TGS1: variants seen among roughly 807,000 people sequenced by gnomAD.
TGS1 encodes trimethylguanosine synthase 1.
In TGS1, 69 loss-of-function variants were observed where a neutral mutation model predicts 92.2. The ratio of observed to expected loss-of-function variants is 0.75; its 90% CI spans 0.62 to 0.91. The LOEUF (loss-of-function observed/expected upper bound fraction) is 0.91, where lower values mean the gene tolerates loss of function less well. Among genes scored for constraint, TGS1 ranks in the 40% least tolerant of loss-of-function variants. TGS1 has a pLI of 0.00. For missense variants in TGS1, 1,062 were observed against 1,001.2 expected (o/e 1.06, Z -0.82); for synonymous variants, 345 against 338.1 (o/e 1.02, Z -0.22).
chr8:55,814,646 C>A (rs1803423946), intron 12 of TGS1, among the ~76,000 whole-genome samples: 1 of 141,400 alleles, frequency 7.1e-6, no homozygotes, highest in African/African-American at 2.7e-5. Context: ...CATGGCAAAA[C>A]CCCGTCTCTA....
chr8:55,805,955 A>T lies in TGS1; in HGVS notation c.2143+919A>T, dbSNP rs552943065. Among the ~76,000 whole-genome samples, 278 of 144,894 alleles carry T rather than the reference A, an allele frequency of 1.9e-3. 1 individual carries two copies. Among genetic ancestry groups the T allele is most frequent in the African/African-American group, 6.4e-3 (264 of 41,180 alleles). On this transcript the variant is annotated intron_variant, in intron 10 of 12. Coordinates refer to ENST00000260129, the MANE Select transcript of TGS1 (RefSeq NM_024831.8). ...TGTGTGCCTATAGTCCCAGCTACTC[A>T]GGCTGAGATGAGAGGATGACCTGAG...
At chr8:55,799,554 G>A (rs1812162438) in intron 8 of TGS1, among the ~76,000 whole-genome samples, 1 of 152,056 alleles carries the variant, frequency 6.6e-6, no homozygotes, top group Non-Finnish European at 1.5e-5. Context: ...TGCCTTCTTC[G>A]TATGTGGTGT....
intron 11 of TGS1, among the ~76,000 whole-genome samples, chr8:55,811,512 A>C (rs1803340439): frequency 6.6e-6 from 1 of 151,806 alleles, no homozygotes; most frequent in Non-Finnish European, 1.5e-5. Flanking sequence ...CTGTAATCCC[A>C]GCACTTTGGG....
rs887656895 is a variant in TGS1 at position 55,782,680 on chromosome 8, G to C, written c.102-68G>C. On this transcript the variant is annotated intron_variant, in intron 1 of 12. Transcript: ENST00000260129. Reference sequence around the variant, plus strand: ...TTTATTAATTAATCTATGATGGCTCGAGATTTCTTTCCCTCTAAACTGATG... The same window carrying C: ...TTTATTAATTAATCTATGATGGCTCCAGATTTCTTTCCCTCTAAACTGATG... 3.3e-6 allele frequency: 4 copies of C among 1,206,532 alleles called. No individual in the cohort carries two copies. The East Asian group carries it at 7.4e-5, about 22-fold the overall frequency. The allele number at this position is 1,206,532 out of a possible 1,614,324, so 74.7% of individuals were successfully genotyped here.
chr8:55,801,057 A>G (rs7001920), intron 8 of TGS1, among the ~76,000 whole-genome samples: 1,715 of 152,304 alleles, frequency 0.011, 24 homozygotes, highest in African/African-American at 0.04. Context: ...CCCTTGTTTC[A>G]GTTTCTCAGA....
Position 55,782,758 on chromosome 8 carries a change from T to C in TGS1, c.112T>C (p.Leu38=), listed in dbSNP as rs757601823. 5 of 1,610,492 alleles carry C rather than the reference T, an allele frequency of 3.1e-6. No individual in the cohort carries two copies. In the South Asian group the frequency reaches 4.4e-5, roughly 14 times the overall value. The change falls in exon 2 of 13, where the codon TTG becomes CTG. Residue 38 remains leucine, a synonymous_variant. Transcript: ENST00000260129. ...TAATCTGCTTCGCAGGGATCGAAAA[T>C]TGTACAATTTGGGATTAAAAGGCTA... is the stretch of plus-strand genomic sequence containing the variant. ...CSRAFVEDRK[L]YNLGLKGYYI...
intron 12 of TGS1, among the ~76,000 whole-genome samples, chr8:55,821,439 C>A (rs901093796): frequency 6.6e-6 from 1 of 152,044 alleles, no homozygotes; most frequent in African/African-American, 2.4e-5. Flanking sequence ...CTGAGAAAAC[C>A]CCCATCTTAC....
intron 12 of TGS1, among the ~76,000 whole-genome samples, 187 bp downstream of exon 12, chr8:55,813,305 G>T (rs2130235761): frequency 6.6e-6 from 1 of 152,290 alleles, no homozygotes; most frequent in Admixed American, 6.5e-5. Context: ...CATTTCCATA[G>T]CTCCTGGCAT....
intron 12 of TGS1, among the ~76,000 whole-genome samples, chr8:55,821,392 A>G (rs1002469727): frequency 1.3e-5 from 2 of 152,206 alleles, no homozygotes; most frequent in Admixed American, 1.3e-4. Context: ...AAAGTAATTT[A>G]TGAACTGTTT....
In TGS1 at chr8:55,773,567, C is replaced by A; in HGVS notation, c.-52C>A. 1 of 1,465,528 alleles carries A rather than the reference C, an allele frequency of 6.8e-7. No homozygotes were observed. Among genetic ancestry groups the A allele is most frequent in the Non-Finnish European group, 9.4e-7 (1 of 1,063,252 alleles). 90.8% of individuals were successfully genotyped at this position (1,465,528 alleles called of 1,614,324 possible). On this transcript the variant is annotated 5_prime_UTR_variant, in exon 1 of 13. Coordinates refer to ENST00000260129, the MANE Select transcript of TGS1 (RefSeq NM_024831.8). ...AGTCTCCAGTAACCGAGCGGAGGCC[C>A]GGCAGGCGCGACCCGGGCTGCGTAC...
chr8:55,777,035 T>A (rs1811420777), intron 1 of TGS1, among the ~76,000 whole-genome samples: 1 of 151,814 alleles, frequency 6.6e-6, no homozygotes, highest in African/African-American at 2.4e-5. Context: ...TGAGACTGGG[T>A]CTCACTTTGT....
At chr8:55,775,750 AAAAACTTG>A (rs1334642884) in intron 1 of TGS1, among the ~76,000 whole-genome samples, 13 of 152,010 alleles carry the variant, frequency 8.6e-5, no homozygotes, top group African/African-American at 2.9e-4. Flanking sequence ...GGCTAGTTTT[AAAAACTTG>A]AGCCATTTAG....
In TGS1 at chr8:55,792,757, T is replaced by C. The variant is rs1360281768; in HGVS notation, c.1340T>C (p.Leu447Pro). The change falls in exon 6 of 13, where the codon CTA (leucine) becomes CCA (proline). Residue 447 changes from leucine (L) to proline (P), a missense_variant. Physicochemically the swap from Leu to Pro is moderately conservative, Grantham distance 98. Coordinates refer to ENST00000260129, the MANE Select transcript of TGS1 (RefSeq NM_024831.8). Reference sequence around the variant, plus strand: ...GACTTTGATGACAGTGGTTCCCTTCTAGGATTCAAGTATGGCTCAGGACAA... The same window carrying C: ...GACTTTGATGACAGTGGTTCCCTTCCAGGATTCAAGTATGGCTCAGGACAA... ...ASDFDDSGSLLGFKYGSGQKY... is the reference protein window; with the variant it reads ...ASDFDDSGSLPGFKYGSGQKY... 1.2e-6 allele frequency: 2 copies of C among 1,613,662 alleles called. No homozygotes were observed. Among genetic ancestry groups the C allele is most frequent in the South Asian group, 1.1e-5 (1 of 91,084 alleles).
intron 10 of TGS1, among the ~76,000 whole-genome samples, chr8:55,806,553 T>C (rs1212861903): frequency 1.3e-5 from 2 of 152,120 alleles, no homozygotes; most frequent in Non-Finnish European, 2.9e-5. Flanking sequence ...TAGGTGAGGC[T>C]TCAGGTCAAC....
At chr8:55,819,630 T>A (rs1039813699) in intron 12 of TGS1, among the ~76,000 whole-genome samples, 1 of 152,086 alleles carries the variant, frequency 6.6e-6, no homozygotes. Context: ...TGCCACCAGG[T>A]GCTCCTGTTG....
At position 55,802,616 on chromosome 8, in the gene TGS1, A is replaced by G. The variant is rs758392542; in HGVS notation, c.1999+10A>G. ...ATTAAGTTGGACAGAGGTAAAGTAT[A>G]TATGTATTTTTTAGCTTTATTTTGA... On this transcript the variant is annotated intron_variant, in intron 9 of 12. Coordinates refer to ENST00000260129, the MANE Select transcript of TGS1 (RefSeq NM_024831.8). 5.7e-6 allele frequency: 9 copies of G among 1,585,902 alleles called. No individual in the cohort carries two copies. The Admixed American group carries it at 1.2e-4, about 20-fold the overall frequency.
Position 55,810,883 on chromosome 8 carries a change from A to G in TGS1, c.2146A>G (p.Ile716Val). 2 of 1,613,576 alleles carry G rather than the reference A, an allele frequency of 1.2e-6. No individual in the cohort carries two copies. The highest frequency in any genetic ancestry group is 1.7e-6 in the Non-Finnish European group (2 of 1,179,710). Residue 716 changes from isoleucine to valine, a missense_variant and splice_region_variant, in exon 11 of 13, where the codon ATT becomes GTT. By Grantham distance (29) the Ile-to-Val change is conservative (BLOSUM62 3). Coordinates refer to ENST00000260129, the MANE Select transcript of TGS1 (RefSeq NM_024831.8). ...IQFALTGMRV[I>V]AIDIDPVKIA... The stretch of plus-strand genomic sequence containing the variant: ...TTTTTTTCTTTTCCCACTTTTAGTG[A>G]TTGCCATTGATATCGATCCTGTTAA...
chr8:55,795,912 C>G (rs1812030136), intron 6 of TGS1, 66 bp from the exon 7 acceptor site: 3 of 1,237,584 alleles, frequency 2.4e-6, no homozygotes, highest in Middle Eastern at 1.9e-4. Flanking sequence ...GTTTCATCCT[C>G]TTTTCCTATA....
At position 55,822,312 on chromosome 8, in the gene TGS1, C is replaced by T. The variant is rs1375462847; in HGVS notation, c.2440-2269C>T. Among the ~76,000 whole-genome samples the T allele has an allele frequency of 2.6e-5, 4 of 152,150 alleles. No individual in the cohort carries two copies. The East Asian group carries it at 7.7e-4, about 29-fold the overall frequency. Reference sequence around the variant, plus strand: ...GTCTCGATCTCCTGACCTCGTGATCCACCCTCCTCGACCTCCCAAAGTGCT... The same window carrying T: ...GTCTCGATCTCCTGACCTCGTGATCTACCCTCCTCGACCTCCCAAAGTGCT... On this transcript the variant is annotated intron_variant, in intron 12 of 12. Coordinates refer to ENST00000260129, the MANE Select transcript of TGS1 (RefSeq NM_024831.8).
Sources: gnomAD v4.1 joint callset for allele counts (sites outside exome capture counted in the v4.1 genomes callset) on GRCh38, gnomAD v4.1.1 for gene constraint, MANE v1.5 for transcripts, NCBI Gene and HGNC (gene_info 2026-07-23, HGNC 2026-07-21) for gene names.